The following RS1 variants were observed in gnomAD, a reference collection of about 807,000 sequenced individuals.
RS1 encodes the protein retinoschisin.
In RS1, 2 loss-of-function variants were observed where a neutral mutation model predicts 20.8. The ratio of observed to expected loss-of-function variants is 0.10; its 90% CI spans 0.04 to 0.30. The LOEUF (loss-of-function observed/expected upper bound fraction) is 0.30. Among genes scored for constraint, RS1 ranks in the 10% least tolerant of loss-of-function variants. RS1 has a pLI of 1.00. For synonymous variants in RS1, 70 were observed against 75.8 expected (o/e 0.92, Z 0.40); for missense variants, 151 against 189.8 (o/e 0.80, Z 1.20).
intron 4 of RS1, 145 bp from the exon 5 acceptor site, chrX:18,644,770 C>A (rs1927714265): frequency 1.8e-6 from 1 of 542,193 alleles, no homozygotes; most frequent in Non-Finnish European, 3.2e-6. Flanking sequence ...TGAGCCTTGT[C>A]TCCTAGGAAT....
At chrX:18,667,781 C>G (rs1303525146) in intron 1 of RS1, among the ~76,000 whole-genome samples, 1 of 111,262 alleles carries the variant, frequency 9.0e-6, no homozygotes, top group Admixed American at 9.6e-5. Flanking sequence ...GGACCCATTT[C>G]TTGCATTTCT....
At chrX:18,656,818 C>G in intron 2 of RS1, 60 bp from the exon 3 acceptor site, 1 of 936,731 alleles carries the variant, frequency 1.1e-6, no homozygotes, top group Non-Finnish European at 1.5e-6. Flanking sequence ...TGTGGTTGCC[C>G]CCACGGAGTG....
chrX:18,642,281 C>T (rs1284849198), intron 5 of RS1, 125 bp from the exon 6 acceptor site: 23 of 713,919 alleles, frequency 3.2e-5, no homozygotes, highest in Middle Eastern at 3.9e-4. Flanking sequence ...AAGCAGTTTG[C>T]GGGTGCCCCC....
intron 5 of RS1, 72 bp downstream of exon 5, chrX:18,644,358 A>G: frequency 1.0e-6 from 1 of 982,108 alleles, no homozygotes; most frequent in East Asian, 3.0e-5. Context: ...GGGCAGTGAC[A>G]GGAGCTCGGG....
At chrX:18,654,182 T>A in intron 3 of RS1, among the ~76,000 whole-genome samples, 1 of 95,393 alleles carries the variant, frequency 1.0e-5, no homozygotes, top group African/African-American at 3.9e-5. Flanking sequence ...GGGGACAGGG[T>A]CTCTGGCTGT....
chrX:18,657,348 G>T (rs1485421427), intron 2 of RS1, among the ~76,000 whole-genome samples: 2 of 100,815 alleles, frequency 2.0e-5, no homozygotes, highest in African/African-American at 7.3e-5. Context: ...AGCCTCCCAA[G>T]TAGCTAGGAT....
Position 18,641,482 on chromosome X carries a change from CCACCCAGT to C in RS1, c.*514_*521del. 7.9e-6 allele frequency: 1 copy of C among 126,134 alleles called. No homozygotes were observed. The highest frequency in any genetic ancestry group is 2.2e-4 in the East Asian group (1 of 4,479). The allele number at this position is 126,134 out of a possible 1,213,427, so 10.4% of individuals were successfully genotyped here. A position where few individuals can be genotyped will look rare whatever the true frequency, so the allele number is the denominator to read the frequency against. ...TTCTCACCCACCGCACTCATCCCTGCCACCCAGTCACCCTTGAGACCCTCAGCTGCCTC... is the reference window on the plus strand; with the variant it reads ...TTCTCACCCACCGCACTCATCCCTGCCACCCTTGAGACCCTCAGCTGCCTC... On this transcript the variant is annotated 3_prime_UTR_variant, in exon 6 of 6. Coordinates refer to ENST00000379984, the MANE Select transcript of RS1 (RefSeq NM_000330.4).
chrX:18,649,580 T>C (rs1002844692), intron 3 of RS1, among the ~76,000 whole-genome samples: 1 of 111,850 alleles, frequency 8.9e-6, no homozygotes, highest in African/African-American at 3.2e-5. Flanking sequence ...CTCACTAGTA[T>C]CTGCAGCTCT....
chrX:18,651,264 T>TGTGTGTGTGTGTGTGAGAGA (rs1491242962), intron 3 of RS1, among the ~76,000 whole-genome samples: 11 of 69,006 alleles, frequency 1.6e-4, no homozygotes, highest in African/African-American at 6.9e-4. Context: ...TGTGTGTGTG[T>TGTGTGTGTGTGTGTGAGAGA]GAGAGAGAGA....
At chrX:18,670,223 CTTTTTTT>C (rs34539361) in intron 1 of RS1, among the ~76,000 whole-genome samples, 2 of 78,608 alleles carry the variant, frequency 2.5e-5, no homozygotes, top group African/African-American at 9.4e-5. Flanking sequence ...ATGTCAAGTC[CTTTTTTT>C]TTTTTTTTTT....
At chrX:18,662,629 CTTT>C (rs765805571) in intron 1 of RS1, among the ~76,000 whole-genome samples, 3 of 98,702 alleles carry the variant, frequency 3.0e-5, no homozygotes, top group Non-Finnish European at 4.1e-5. Context: ...TGAACTCATC[CTTT>C]TTTTTTTTTT....
chrX:18,647,660 A>T, intron 3 of RS1: 2 of 285,480 alleles, frequency 7.0e-6, no homozygotes, highest in Non-Finnish European at 1.3e-5. Context: ...AGATCTAAAA[A>T]CCAAGAGGTG....
In RS1 at chrX:18,671,999, T is replaced by C. The variant is rs763279160; in HGVS notation, c.52+18A>G. On this transcript the variant is annotated intron_variant, in intron 1 of 5. Coordinates refer to ENST00000379984, the MANE Select transcript of RS1 (RefSeq NM_000330.4). ...GTATTAAGTATGCAATGAATGTCAA[T>C]GGTTGAATAGCACATACCTTCATAG... The C allele has an allele frequency of 1.7e-6, 2 of 1,190,556 alleles. No individual in the cohort carries two copies. Among genetic ancestry groups the C allele is most frequent in the Admixed American group, 4.3e-5 (2 of 46,017 alleles).
At chrX:18,658,788 C>G (rs1377803228) in intron 1 of RS1, among the ~76,000 whole-genome samples, 2 of 107,537 alleles carry the variant, frequency 1.9e-5, no homozygotes, top group African/African-American at 7.1e-5. Context: ...TCTTCATCAT[C>G]ATCATCATCA....
intron 3 of RS1, among the ~76,000 whole-genome samples, chrX:18,656,299 A>T (rs1928213364): frequency 9.0e-6 from 1 of 111,410 alleles, no homozygotes; most frequent in Admixed American, 9.6e-5. Context: ...TCCTCCCATT[A>T]ATTTATTTTC....
Position 18,641,996 on chromosome X carries a change from G to A in RS1, c.*8C>T, listed in dbSNP as rs1927595161. On this transcript the variant is annotated 3_prime_UTR_variant, in exon 6 of 6. Transcript: ENST00000379984. ...CACCCCCTGGCAGGCGCCGAGCTGAGGCAGGCATCAGGCACACTTGCTGAC... is the reference window on the plus strand; with the variant it reads ...CACCCCCTGGCAGGCGCCGAGCTGAAGCAGGCATCAGGCACACTTGCTGAC... 2 of 1,211,009 alleles carry A rather than the reference G, an allele frequency of 1.7e-6. No individual in the cohort carries two copies. Among genetic ancestry groups the A allele is most frequent in the African/African-American group, 3.5e-5 (2 of 57,854 alleles).
chrX:18,670,257 G>A (rs917440015), intron 1 of RS1, among the ~76,000 whole-genome samples: 2 of 84,464 alleles, frequency 2.4e-5, no homozygotes, highest in African/African-American at 9.2e-5. Flanking sequence ...ACTGAGTCTC[G>A]CTCAGTCACC....
intron 3 of RS1, among the ~76,000 whole-genome samples, chrX:18,651,771 T>A (rs2147199465): frequency 8.9e-6 from 1 of 112,108 alleles, no homozygotes; most frequent in African/African-American, 3.2e-5. Context: ...ATAGAAAATG[T>A]GACATTTCCC....
intron 3 of RS1, chrX:18,650,393 C>T: frequency 8.3e-7 from 1 of 1,210,227 alleles, no homozygotes. Context: ...TTCCACTGCC[C>T]TCTGAATATT....
Sources: allele counts gnomAD v4.1 joint callset (sites outside exome capture counted in the v4.1 genomes callset), GRCh38; gene constraint gnomAD v4.1.1; transcripts MANE v1.5; gene names NCBI Gene and HGNC (gene_info 2026-07-23, HGNC 2026-07-21).